Variants in RASSF4 observed in about 807,000 individuals in gnomAD.
RASSF4 encodes Ras association domain family member 4.
In RASSF4, 38 loss-of-function variants were observed where a neutral mutation model predicts 41.1. The observed-to-expected ratio is 0.92, with a 90% CI of 0.71 to 1.21. RASSF4 has a LOEUF of 1.21. Among genes scored for constraint, RASSF4 ranks in the 50% most tolerant of loss-of-function variants. The probability of loss-of-function intolerance (pLI) is 0.00; values close to 1 mark genes in which losing one functional copy is unlikely to be tolerated. For synonymous variants in RASSF4, 179 were observed against 163.4 expected (o/e 1.10, Z -0.73); for missense variants, 414 against 419.4 (o/e 0.99, Z 0.11).
chr10:44,974,236 C>G (rs939509737), intron 3 of RASSF4, among the ~76,000 whole-genome samples: 16 of 152,368 alleles, frequency 1.1e-4, no homozygotes, highest in African/African-American at 3.8e-4. Context: ...CACCACAGGC[C>G]CCAAGGGCTG....
intron 1 of RASSF4, among the ~76,000 whole-genome samples, chr10:44,960,619 C>T (rs937517751): frequency 1.1e-4 from 17 of 152,202 alleles, no homozygotes; most frequent in Non-Finnish European, 2.2e-4. Context: ...CCTGGCACGG[C>T]GGAGGGAGGG....
At chr10:44,988,119 G>A (rs991356945) in intron 6 of RASSF4, among the ~76,000 whole-genome samples, 4 of 152,094 alleles carry the variant, frequency 2.6e-5, no homozygotes, top group Non-Finnish European at 1.5e-5. Context: ...CACATTCGCT[G>A]GGAGGCACCA....
intron 3 of RASSF4, among the ~76,000 whole-genome samples, chr10:44,975,431 C>T (rs1451090728): frequency 7.0e-6 from 1 of 142,472 alleles, no homozygotes; most frequent in Non-Finnish European, 1.5e-5. Flanking sequence ...CCCATCCCCA[C>T]CTTCCACCCC....
intron 3 of RASSF4, among the ~76,000 whole-genome samples, chr10:44,975,507 C>T (rs1278504835): frequency 8.8e-6 from 1 of 113,796 alleles, no homozygotes; most frequent in Non-Finnish European, 1.9e-5. Context: ...CTTCTCCAGT[C>T]CCCTCTCCAC....
At chr10:44,977,983 C>A in intron 3 of RASSF4, 1 of 1,611,918 alleles carries the variant, frequency 6.2e-7, no homozygotes, top group Non-Finnish European at 8.5e-7. Context: ...CCGTGGTCTC[C>A]CGAATTGTGG....
At chr10:44,982,106 C>A in intron 3 of RASSF4, 2 of 263,488 alleles carry the variant, frequency 7.6e-6, no homozygotes, top group Non-Finnish European at 7.4e-6. Context: ...CCCTGCCGGG[C>A]CTGGTGGCCA....
chr10:44,967,368 G>T (rs1840942633), intron 1 of RASSF4, among the ~76,000 whole-genome samples: 1 of 152,246 alleles, frequency 6.6e-6, no homozygotes, highest in South Asian at 2.1e-4. Context: ...GCCCCAGCTA[G>T]CTGCAGAGGG....
chr10:44,961,023 G>A (rs1455715296), intron 1 of RASSF4, among the ~76,000 whole-genome samples: 2 of 152,192 alleles, frequency 1.3e-5, no homozygotes, highest in African/African-American at 4.8e-5. Flanking sequence ...AGACAGGAAG[G>A]GAGAGGGTCA....
intron 6 of RASSF4, 43 bp from the exon 7 acceptor site, chr10:44,989,230 TC>T (rs777851341): frequency 1.6e-6 from 2 of 1,255,880 alleles, no homozygotes; most frequent in African/African-American, 2.9e-5. Context: ...CAGTCCCTTG[TC>T]CCCTCTGGGC....
intron 6 of RASSF4, 76 bp downstream of exon 6, chr10:44,985,046 C>T (rs1841870084): frequency 6.6e-7 from 1 of 1,503,942 alleles, no homozygotes; most frequent in Middle Eastern, 1.7e-4. Context: ...AGCACCATGA[C>T]CTGTGTGGGG....
At position 44,960,714 on chromosome 10, in the gene RASSF4, T is replaced by C. The variant is rs1358525724; in HGVS notation, c.-39+848T>C. Reference sequence around the variant, plus strand: ...AGTAAGGACAGCTTCAGGAGCCCCATTTCACATAGGAATTAAATAAGGTCG... The same window carrying C: ...AGTAAGGACAGCTTCAGGAGCCCCACTTCACATAGGAATTAAATAAGGTCG... On this transcript the variant is annotated intron_variant, in intron 1 of 10. Coordinates refer to ENST00000340258, the MANE Select transcript of RASSF4 (RefSeq NM_032023.4). Among the ~76,000 whole-genome samples the C allele has an allele frequency of 3.3e-5, 5 of 152,194 alleles. No individual in the cohort carries two copies. In the East Asian group the frequency reaches 9.6e-4, roughly 29 times the overall value.
At chr10:44,976,156 T>C (rs1483671241) in intron 3 of RASSF4, 1 of 152,054 alleles carries the variant, frequency 6.6e-6, no homozygotes, top group African/African-American at 2.4e-5. Flanking sequence ...TTGTCTACAG[T>C]GCTCATAAAT....
chr10:44,982,902 C>T (rs1399434030), intron 4 of RASSF4: 9 of 698,778 alleles, frequency 1.3e-5, no homozygotes, highest in South Asian at 1.2e-4. Context: ...CTCAAACCTT[C>T]CTGCAAGCCA....
intron 3 of RASSF4, 95 bp downstream of exon 3, chr10:44,971,943 T>C: frequency 1.2e-6 from 1 of 801,268 alleles, no homozygotes; most frequent in Non-Finnish European, 2.1e-6. Flanking sequence ...GACCATCCCC[T>C]TCACTCTCAG....
intron 5 of RASSF4, 124 bp downstream of exon 5, chr10:44,984,237 G>GGGTAGGGGT: frequency 1.1e-6 from 1 of 929,726 alleles, no homozygotes; most frequent in Non-Finnish European, 1.6e-6. Flanking sequence ...GGCTTCACCT[G>GGGTAGGGGT]CTGGACCCCT....
intron 3 of RASSF4, among the ~76,000 whole-genome samples, chr10:44,972,489 T>A (rs1472539963): frequency 2.0e-5 from 3 of 152,210 alleles, no homozygotes; most frequent in African/African-American, 7.2e-5. Context: ...TATCTGGAAT[T>A]TCATGAGGAA....
intron 3 of RASSF4, chr10:44,981,192 G>A (rs1841693234): frequency 6.6e-6 from 1 of 152,136 alleles, no homozygotes; most frequent in African/African-American, 2.4e-5. Flanking sequence ...GTGCCAACGA[G>A]GAGAGAGAAA....
chr10:44,976,239 T>A (rs1455243602), intron 3 of RASSF4: 1 of 152,280 alleles, frequency 6.6e-6, no homozygotes, highest in Non-Finnish European at 1.5e-5. Context: ...GTCCCCATTT[T>A]ATAGATAAGG....
Position 44,984,856 on chromosome 10 carries a change from C to T in RASSF4, c.417C>T (p.Thr139=), listed in dbSNP as rs1282813107. 3.1e-6 allele frequency: 5 copies of T among 1,613,666 alleles called. No individual in the cohort carries two copies. The highest frequency in any genetic ancestry group is 4.2e-6 in the Non-Finnish European group (5 of 1,180,014). ...AGGAGGCCCCCCAGCTGATGCGGAC[C>T]AAGAGCGACGCCAGTTGCATGAGCC... The part of the protein sequence containing the change: ...EAEEAPQLMR[T]KSDASCMSQR... Residue 139 remains threonine, a synonymous_variant, in exon 6 of 11, where the codon ACC becomes ACT. Coordinates refer to ENST00000340258, the MANE Select transcript of RASSF4 (RefSeq NM_032023.4).
Sources: gnomAD v4.1 joint callset for allele counts (sites outside exome capture counted in the v4.1 genomes callset) on GRCh38, gnomAD v4.1.1 for gene constraint, MANE v1.5 for transcripts, NCBI Gene and HGNC (gene_info 2026-07-23, HGNC 2026-07-21) for gene names.